MYO16: variants seen among roughly 807,000 people sequenced by gnomAD.
The protein encoded by MYO16 is myosin XVI.
In MYO16, 94 loss-of-function variants were observed where a neutral mutation model predicts 205.3. The observed-to-expected ratio is 0.46, with a 90% CI of 0.39 to 0.54. The LOEUF is 0.54. Ranked by LOEUF, MYO16 falls within the 20% of genes least tolerant of loss-of-function variation. The pLI, the probability that MYO16 is intolerant of heterozygous loss-of-function variation, is 0.00. For missense variants in MYO16, 2,315 were observed against 2,387.5 expected, an observed-to-expected ratio of 0.97 and a Z score of 0.63; for synonymous variants, 988 against 954.0, an observed-to-expected ratio of 1.04 and a Z score of -0.66.
At position 109,180,377 on chromosome 13, in the gene MYO16, T is replaced by C. The variant is rs115804731; in HGVS notation, c.5415+744T>C. On this transcript the variant is annotated intron_variant, in intron 34 of 34. Coordinates refer to ENST00000457511, the MANE Select transcript of MYO16 (RefSeq NM_001198950.3). ...AAATAATTGTCTTTAAAATATATAA[T>C]GTTGCATTCAAGGTGATGCACAAAC... Among the ~76,000 whole-genome samples, 455 of 152,364 alleles carry C rather than the reference T, an allele frequency of 3.0e-3. 2 individuals carry two copies. Among genetic ancestry groups the C allele is most frequent in the African/African-American group, 0.01 (432 of 41,594 alleles).
chr13:109,154,911 G>GAAAAAAAAAAAAAAAAAAAAAAAAAAAA lies in MYO16; in HGVS notation c.5165-9964_5165-9963insAAAAAAAAAAAAAAAAAAAAAAAAAAAA, dbSNP rs59465499. On this transcript the variant is annotated intron_variant, in intron 32 of 34. Transcript: ENST00000457511. Reference sequence around the variant, plus strand: ...AGGTATTGCATACTCGGCTAATTATGAAAAAAAAAAAAAAAAAAAAAAAAA... The same window carrying GAAAAAAAAAAAAAAAAAAAAAAAAAAAA: ...AGGTATTGCATACTCGGCTAATTATGAAAAAAAAAAAAAAAAAAAAAAAAAAAAAAAAAAAAAAAAAAAAAAAAAAAAA... Among the ~76,000 whole-genome samples the GAAAAAAAAAAAAAAAAAAAAAAAAAAAA allele has an allele frequency of 6.4e-5, 4 of 62,666 alleles. 1 individual carries two copies. The highest frequency in any genetic ancestry group is 1.2e-4 in the Non-Finnish European group (4 of 33,830). The allele number at this position is 62,666 out of a possible 152,430, so 41.1% of individuals were successfully genotyped here.
chr13:108,629,838 T>A lies in MYO16; in HGVS notation c.-7T>A. 6.5e-7 allele frequency: 1 copy of A among 1,529,276 alleles called. No homozygotes were observed. The highest frequency in any genetic ancestry group is 2.5e-5 in the East Asian group (1 of 40,734). 94.7% of individuals were successfully genotyped at this position (1,529,276 alleles called of 1,614,324 possible). A position where few individuals can be genotyped will look rare whatever the true frequency, so the allele number is the denominator to read the frequency against. ...CCCGTAGCAAGATTCCTGTCTGAGA[T>A]GGAAAGATGTCTCACTATCATTTTA... On this transcript the variant is annotated 5_prime_UTR_variant, in exon 1 of 35. The change abolishes an upstream ATG in the 5' untranslated region. Coordinates refer to ENST00000457511, the MANE Select transcript of MYO16 (RefSeq NM_001198950.3).
chr13:108,625,605 G>A (rs1034919321), upstream of MYO16, among the ~76,000 whole-genome samples: 3 of 152,158 alleles, frequency 2.0e-5, no homozygotes, highest in Non-Finnish European at 4.4e-5. Flanking sequence ...GCCATTGTGT[G>A]TGAGACACCT....
chr13:109,063,846 CA>C (rs1211767197), intron 27 of MYO16, among the ~76,000 whole-genome samples: 1 of 152,120 alleles, frequency 6.6e-6, no homozygotes, highest in Non-Finnish European at 1.5e-5. Context: ...GATTTTGAGG[CA>C]TCGTATGTGT....
chr13:109,191,112 G>A lies in MYO16; in HGVS notation c.5415+11479G>A, dbSNP rs151013115. ...CAGGCGCTTGTAATCCCAGCTACAC[G>A]GGAGGCTGAGGCAGGAGAATCACTT... On this transcript the variant is annotated intron_variant, in intron 34 of 34. Coordinates refer to ENST00000457511, the MANE Select transcript of MYO16 (RefSeq NM_001198950.3). 3.0e-3 allele frequency among the ~76,000 whole-genome samples: 457 copies of A among 152,118 alleles called. 3 individuals carry two copies. The highest frequency in any genetic ancestry group is 0.01 in the African/African-American group (428 of 41,484).
chr13:109,079,618 G>C lies in MYO16; in HGVS notation c.3336-21167G>C, dbSNP rs74643763. On this transcript the variant is annotated intron_variant, in intron 27 of 34. Transcript: ENST00000457511. The stretch of plus-strand genomic sequence containing the variant: ...AACAAGCACCGCAGGCTAGGGACAC[G>C]GGGCATGAGTGGAAAAACTACCTAT... Among the ~76,000 whole-genome samples, 651 of 152,130 alleles carry C rather than the reference G, an allele frequency of 4.3e-3. 4 individuals are homozygous for C. The highest frequency in any genetic ancestry group is 7.7e-3 in the Non-Finnish European group (521 of 67,992).
rs534823413 is a variant in MYO16, at chr13:108,664,051, C to T, written c.29-1835C>T. ...ATAGCTTTTATCAAATAAGTGTACT[C>T]CAGAGCAATTTGTCATCGTTTCAGA... On this transcript the variant is annotated intron_variant, in intron 1 of 34. Transcript: ENST00000457511. Among the ~76,000 whole-genome samples the T allele has an allele frequency of 9.2e-5, 14 of 152,292 alleles. 1 individual carries two copies. In the South Asian group the frequency reaches 2.7e-3, roughly 29 times the overall value.
At position 108,636,369 on chromosome 13, in the gene MYO16, T is replaced by TTGTGTG. The variant is rs71125327; in HGVS notation, c.28+6531_28+6536dup. On this transcript the variant is annotated intron_variant, in intron 1 of 34. Transcript: ENST00000457511. ...CCCTTTTTTTTTTTTTTTTTTTTTT[T>TTGTGTG]TGTGTGTGTGTGTGTGTGTGTGTGT... 8.5e-3 allele frequency among the ~76,000 whole-genome samples: 432 copies of TTGTGTG among 50,876 alleles called. 11 individuals carry two copies. The highest frequency in any genetic ancestry group is 0.031 in the Middle Eastern group (3 of 98). 33.4% of individuals were successfully genotyped at this position (50,876 alleles called of 152,430 possible).
chr13:109,146,184 C>T lies in MYO16; in HGVS notation c.5164+4808C>T, dbSNP rs1264492839. Among the ~76,000 whole-genome samples the T allele has an allele frequency of 2.0e-5, 3 of 152,122 alleles. No homozygotes were observed. The East Asian group carries it at 5.8e-4, about 29-fold the overall frequency. On this transcript the variant is annotated intron_variant, in intron 32 of 34. Transcript: ENST00000457511. Reference sequence around the variant, plus strand: ...TGGCATTTTTACTTAATAAGGATCACATAAGCTAAATGGAAGTCACTATTA... The same window carrying T: ...TGGCATTTTTACTTAATAAGGATCATATAAGCTAAATGGAAGTCACTATTA...
At chr13:108,934,407 C>T (rs1882388886) in intron 16 of MYO16, among the ~76,000 whole-genome samples, 1 of 151,998 alleles carries the variant, frequency 6.6e-6, no homozygotes, top group Non-Finnish European at 1.5e-5. Context: ...TGTGAAGTGT[C>T]CGTTGATGTC....
chr13:109,033,866 G>T (rs1350457029), intron 23 of MYO16, among the ~76,000 whole-genome samples: 1 of 152,134 alleles, frequency 6.6e-6, no homozygotes, highest in East Asian at 1.9e-4. Context: ...AGACAAAAAT[G>T]GAATCAGGGA....
At chr13:108,586,823 C>T in the MYO16 span, among the ~76,000 whole-genome samples, 1 of 152,204 alleles carries the variant, frequency 6.6e-6, no homozygotes, top group Non-Finnish European at 1.5e-5. Flanking sequence ...GAGTTACTTT[C>T]AATTTCTATA....
intron 34 of MYO16, among the ~76,000 whole-genome samples, chr13:109,203,980 G>GA (rs756017961): frequency 6.6e-6 from 1 of 152,068 alleles, no homozygotes; most frequent in Non-Finnish European, 1.5e-5. Context: ...CTTCCTTCCA[G>GA]AAAAAACTCT....
chr13:108,938,771 C>T (rs981833297), intron 16 of MYO16, among the ~76,000 whole-genome samples: 2 of 152,210 alleles, frequency 1.3e-5, no homozygotes, highest in Admixed American at 6.5e-5. Flanking sequence ...AGGTAAGGTG[C>T]GACAGCTCAG....
At chr13:108,963,273 T>G (rs1399966159) in intron 19 of MYO16, among the ~76,000 whole-genome samples, 1 of 152,232 alleles carries the variant, frequency 6.6e-6, no homozygotes, top group Non-Finnish European at 1.5e-5. Flanking sequence ...TTTGGGCCTA[T>G]GTGCATGTAT....
At chr13:109,184,209 A>G (rs1879578484) in intron 34 of MYO16, among the ~76,000 whole-genome samples, 1 of 152,098 alleles carries the variant, frequency 6.6e-6, no homozygotes, top group South Asian at 2.1e-4. Flanking sequence ...TTATATAACC[A>G]TATATGAGCT....
At chr13:109,119,705 A>G (rs1449772483) in intron 28 of MYO16, among the ~76,000 whole-genome samples, 1 of 152,220 alleles carries the variant, frequency 6.6e-6, no homozygotes, top group Non-Finnish European at 1.5e-5. Context: ...TGTCATATAA[A>G]CTGATTTCAT....
chr13:108,646,163 G>A (rs1214942431), intron 1 of MYO16, among the ~76,000 whole-genome samples: 1 of 152,020 alleles, frequency 6.6e-6, no homozygotes, highest in African/African-American at 2.4e-5. Context: ...GAAAAAGGAG[G>A]GCTTTTCTTG....
chr13:108,569,884 G>GT, the MYO16 span, among the ~76,000 whole-genome samples: 8 of 152,034 alleles, frequency 5.3e-5, no homozygotes, highest in Admixed American at 2.0e-4. Flanking sequence ...TGTGTATTCT[G>GT]TCCTTAATAC....
Sources: allele counts gnomAD v4.1 joint callset (sites outside exome capture counted in the v4.1 genomes callset), GRCh38; gene constraint gnomAD v4.1.1; transcripts MANE v1.5; gene names NCBI Gene and HGNC (gene_info 2026-07-23, HGNC 2026-07-21).